Variants in PDPR observed in about 807,000 individuals in gnomAD.
The protein encoded by PDPR is pyruvate dehydrogenase phosphatase regulatory subunit.
PDPR carries 50 observed loss-of-function variants against 102.2 expected under a neutral mutation model. The observed-to-expected ratio is 0.49, with a 90% confidence interval of 0.39 to 0.62. The LOEUF is 0.62. PDPR is among the 20% of genes least tolerant of loss of function. The probability of loss-of-function intolerance (pLI) is 0.00; values close to 1 mark genes in which losing one functional copy is unlikely to be tolerated. For missense variants in PDPR, 625 were observed against 1,098.2 expected (o/e 0.57, Z 6.09); for synonymous variants, 259 against 406.0 (o/e 0.64, Z 4.35).
At chr16:70,147,597 A>C in intron 16 of PDPR, 2 of 450,414 alleles carry the variant, frequency 4.4e-6, no homozygotes, top group South Asian at 3.1e-5. Flanking sequence ...TGACAACGGA[A>C]TCCTCCCCAG....
chr16:70,138,552 C>A (rs1178755358), intron 10 of PDPR, among the ~76,000 whole-genome samples: 2 of 151,808 alleles, frequency 1.3e-5, no homozygotes, highest in Non-Finnish European at 2.9e-5. Flanking sequence ...CGGGGTCTTA[C>A]TATGTTGCCC....
intron 7 of PDPR, among the ~76,000 whole-genome samples, 194 bp downstream of exon 7, chr16:70,130,738 C>T (rs1249722453): frequency 1.3e-5 from 2 of 152,286 alleles, no homozygotes; most frequent in Non-Finnish European, 2.9e-5. Flanking sequence ...CCTTCCTCCA[C>T]ACTGGGTTGA....
At chr16:70,154,376 G>T (rs1966883781) in intron 18 of PDPR, among the ~76,000 whole-genome samples, 1 of 152,368 alleles carries the variant, frequency 6.6e-6, no homozygotes. Context: ...AGGTGCGGTG[G>T]CTCACAACTG....
intron 18 of PDPR, among the ~76,000 whole-genome samples, chr16:70,153,901 C>T (rs934728598): frequency 6.6e-5 from 10 of 152,204 alleles, no homozygotes; most frequent in East Asian, 1.9e-4. Context: ...AAAAGTAGGC[C>T]GGGCACGGTG....
chr16:70,141,615 G>A (rs2549122), intron 11 of PDPR, among the ~76,000 whole-genome samples: 18,625 of 141,020 alleles, frequency 0.13, 1 homozygote, highest in African/African-American at 0.14. Flanking sequence ...TATGAAGCTT[G>A]GTAAGGTTTA....
At position 70,156,672 on chromosome 16, in the gene PDPR, C is replaced by T. The variant is rs201282007; in HGVS notation, c.2433C>T (p.His811=). 55 of 1,614,050 alleles carry T rather than the reference C, an allele frequency of 3.4e-5. No individual in the cohort carries two copies. The East Asian group carries it at 9.1e-4, about 27-fold the overall frequency. The change falls in exon 19 of 19, where the codon CAC becomes CAT. Residue 811 remains histidine, a synonymous_variant. Transcript: ENST00000288050. ...SSAYSYSLER[H]VCLGFVHNFS... ...CCTACAGCTACAGCCTGGAGCGCCA[C>T]GTTTGCCTGGGCTTTGTGCACAATT...
chr16:70,136,028 C>A (rs1181354902), intron 9 of PDPR, among the ~76,000 whole-genome samples, 166 bp from the exon 10 acceptor site: 3 of 150,768 alleles, frequency 2.0e-5, no homozygotes, highest in Non-Finnish European at 4.4e-5. Context: ...GAGATCGTGC[C>A]ACCACACTCC....
chr16:70,123,691 T>A (rs1349857831), intron 3 of PDPR, among the ~76,000 whole-genome samples: 1 of 152,274 alleles, frequency 6.6e-6, no homozygotes, highest in Non-Finnish European at 1.5e-5. Flanking sequence ...TGGTTTAATT[T>A]GTTGCTTCAA....
At chr16:70,143,694 A>T (rs752516021) in intron 14 of PDPR, 36 bp downstream of exon 14, 6 of 1,607,452 alleles carry the variant, frequency 3.7e-6, no homozygotes, top group African/African-American at 1.3e-5. Context: ...GCTCCCTCCA[A>T]CATGTTGATT....
intron 2 of PDPR, 55 bp from the exon 3 acceptor site, chr16:70,120,406 T>A: frequency 1.1e-6 from 1 of 883,372 alleles, no homozygotes; most frequent in East Asian, 2.6e-5. Context: ...CCCTTTCTCA[T>A]TAATCCCATG....
intron 9 of PDPR, among the ~76,000 whole-genome samples, chr16:70,132,703 A>C (rs1451163303): frequency 6.7e-6 from 1 of 149,926 alleles, no homozygotes; most frequent in Non-Finnish European, 1.5e-5. Flanking sequence ...GCCCAGGTTG[A>C]TCTCGAACTC....
chr16:70,148,597 C>A (rs1597371440), intron 17 of PDPR, 44 bp downstream of exon 17: 3 of 1,345,066 alleles, frequency 2.2e-6, no homozygotes, highest in East Asian at 5.2e-5. Context: ...CTTCCCTTCC[C>A]TTCCCTTCCC....
intron 7 of PDPR, among the ~76,000 whole-genome samples, 193 bp downstream of exon 7, chr16:70,130,737 A>G (rs1419529879): frequency 6.6e-6 from 1 of 152,290 alleles, no homozygotes; most frequent in Non-Finnish European, 1.5e-5. Flanking sequence ...TCCTTCCTCC[A>G]CACTGGGTTG....
chr16:70,126,348 C>A (rs1212238417), intron 3 of PDPR, among the ~76,000 whole-genome samples: 1 of 152,236 alleles, frequency 6.6e-6, no homozygotes, highest in African/African-American at 2.4e-5. Flanking sequence ...AGTAGCCTGG[C>A]TAACTTTTAT....
At chr16:70,142,781 G>A (rs1181258029) in intron 13 of PDPR, 95 bp downstream of exon 13, 2 of 1,477,780 alleles carry the variant, frequency 1.4e-6, no homozygotes, top group African/African-American at 1.4e-5. Context: ...ATTCCTGACT[G>A]GGTGCAGTGG....
At chr16:70,117,537 T>A (rs1193728750) in intron 2 of PDPR, among the ~76,000 whole-genome samples, 4 of 151,642 alleles carry the variant, frequency 2.6e-5, no homozygotes, top group Non-Finnish European at 5.9e-5. Context: ...AAATAAGATG[T>A]CAAAGAGGCT....
intron 11 of PDPR, among the ~76,000 whole-genome samples, chr16:70,141,534 A>G (rs1393425672): frequency 6.6e-5 from 10 of 152,268 alleles, no homozygotes; most frequent in African/African-American, 2.4e-4. Flanking sequence ...CACAGGCACA[A>G]TGAAGAATCG....
At chr16:70,138,834 T>G in intron 10 of PDPR, 65 bp from the exon 11 acceptor site, 1 of 1,604,344 alleles carries the variant, frequency 6.2e-7, no homozygotes, top group Non-Finnish European at 8.5e-7. Flanking sequence ...TGTTCTCGAT[T>G]TGTAGAATAT....
intron 9 of PDPR, among the ~76,000 whole-genome samples, chr16:70,134,890 C>A (rs1177324071): frequency 2.6e-5 from 4 of 152,178 alleles, no homozygotes; most frequent in Admixed American, 6.5e-5. Context: ...GATGGGCTTT[C>A]TTTTTTTAAT....
Sources: gnomAD v4.1 joint callset for allele counts (sites outside exome capture counted in the v4.1 genomes callset) on GRCh38, gnomAD v4.1.1 for gene constraint, MANE v1.5 for transcripts, NCBI Gene and HGNC (gene_info 2026-07-23, HGNC 2026-07-21) for gene names.